The following SARM1 variants were observed in gnomAD, a reference collection of about 807,000 sequenced individuals.
The protein encoded by SARM1 is sterile alpha and TIR motif containing 1.
A neutral mutation model predicts 65.1 loss-of-function variants in SARM1; 60 were observed. The ratio of observed to expected loss-of-function variants is 0.92; its 90% CI spans 0.75 to 1.14. The LOEUF (loss-of-function observed/expected upper bound fraction) is 1.14. SARM1 is among the 50% of genes most tolerant of loss of function. SARM1 has a pLI of 0.00. For synonymous variants in SARM1, 417 were observed against 465.4 expected (o/e 0.90, Z 1.34); for missense variants, 913 against 1,015.7 (o/e 0.90, Z 1.37).
rs372349604 is a variant in SARM1 at position 28,381,613 on chromosome 17, C to A, written c.881C>A (p.Ala294Glu). Residue 294 changes from alanine to glutamate, a missense_variant, in exon 2 of 9, where the codon GCG (alanine) becomes GAG (glutamate). Coordinates refer to ENST00000585482, the MANE Select transcript of SARM1 (RefSeq NM_015077.4). The part of the protein sequence containing the change: ...EREVERSGTL[A>E]LVEPLVASLD... ...GAGGTGGAGCGCTCGGGCACGCTGGCGCTCGTGGAGCCGCTTGTGGCCTCG... is the reference window on the plus strand; with the variant it reads ...GAGGTGGAGCGCTCGGGCACGCTGGAGCTCGTGGAGCCGCTTGTGGCCTCG... 5 of 1,579,808 alleles carry A rather than the reference C, an allele frequency of 3.2e-6. No individual in the cohort carries two copies. Among genetic ancestry groups the A allele is most frequent in the Middle Eastern group, 1.7e-4 (1 of 5,992 alleles).
Position 28,384,230 on chromosome 17 carries a change from G to A in SARM1, c.1090-127G>A. 1 of 707,806 alleles carries A rather than the reference G, an allele frequency of 1.4e-6. No homozygotes were observed. Among genetic ancestry groups the A allele is most frequent in the East Asian group, 2.9e-5 (1 of 34,334 alleles). 43.8% of individuals were successfully genotyped at this position (707,806 alleles called of 1,614,324 possible). On this transcript the variant is annotated intron_variant, in intron 2 of 8. Coordinates refer to ENST00000585482, the MANE Select transcript of SARM1 (RefSeq NM_015077.4). The surrounding 1 kb of genome is among the most constrained non-coding windows in gnomAD (Gnocchi z 4.4). ...CGCAGGACCCCATGACTTAGTGGCT[G>A]AAGGTGGGGCCAGGGCAGATGGAGA...
At position 28,401,026 on chromosome 17, in the gene SARM1, G is replaced by A; in HGVS notation, c.*4740G>A. ...AGTACATGTGATCTGACAGAACCCA[G>A]CACATAAAAGAAAAAAAAAGTACAT... On this transcript the variant is annotated 3_prime_UTR_variant, in exon 9 of 9. Coordinates refer to ENST00000585482, the MANE Select transcript of SARM1 (RefSeq NM_015077.4). 2.7e-6 allele frequency: 1 copy of A among 373,872 alleles called. No individual in the cohort carries two copies. The highest frequency in any genetic ancestry group is 4.6e-6 in the Non-Finnish European group (1 of 217,294). The allele number at this position is 373,872 out of a possible 1,614,324, so 23.2% of individuals were successfully genotyped here.
chr17:28,395,164 A>T (rs2068104749), intron 7 of SARM1: 1 of 152,144 alleles, frequency 6.6e-6, no homozygotes, highest in Non-Finnish European at 1.5e-5. Context: ...GTAATAAATA[A>T]TATTATTAAT....
At position 28,384,287 on chromosome 17, in the gene SARM1, G is replaced by A. The variant is rs2068038404; in HGVS notation, c.1090-70G>A. Reference sequence around the variant, plus strand: ...GGGTTGTGAGAAGAGACAAGGAGAGGGACTGGGCACGTGTGGGAGCACCTG... The same window carrying A: ...GGGTTGTGAGAAGAGACAAGGAGAGAGACTGGGCACGTGTGGGAGCACCTG... On this transcript the variant is annotated intron_variant, in intron 2 of 8. Transcript: ENST00000585482. This position sits in a 1 kb window ranked among gnomAD's most constrained non-coding sequence, Gnocchi z 4.4. The A allele has an allele frequency of 1.5e-6, 2 of 1,292,870 alleles. No individual in the cohort carries two copies. Among genetic ancestry groups the A allele is most frequent in the Non-Finnish European group, 2.1e-6 (2 of 934,450 alleles). 80.1% of individuals were successfully genotyped at this position (1,292,870 alleles called of 1,614,324 possible). A position where few individuals can be genotyped will look rare whatever the true frequency, so the allele number is the denominator to read the frequency against.
rs2068041284 is a variant in SARM1 at position 28,384,695 on chromosome 17, G to A, written c.1302+126G>A. ...GCTTTTGGGGGCGGGGAGCCTGTAC[G>A]CAGCCACCGTTAGGGTCACTCGGCT... On this transcript the variant is annotated intron_variant, in intron 3 of 8. Transcript: ENST00000585482. This position sits in a 1 kb window ranked among gnomAD's most constrained non-coding sequence, Gnocchi z 4.4. The A allele has an allele frequency of 2.5e-6, 3 of 1,206,440 alleles. No individual in the cohort carries two copies. Among genetic ancestry groups the A allele is most frequent in the Non-Finnish European group, 2.3e-6 (2 of 856,252 alleles). The allele number at this position is 1,206,440 out of a possible 1,614,324, so 74.7% of individuals were successfully genotyped here.
chr17:28,375,506 G>T (rs541935803), intron 1 of SARM1, among the ~76,000 whole-genome samples: 2 of 151,968 alleles, frequency 1.3e-5, no homozygotes, highest in Non-Finnish European at 2.9e-5. Flanking sequence ...GCTGAGGCAG[G>T]GGAATTGTTT....
At chr17:28,374,087 T>G (rs2067974114) in intron 1 of SARM1, 1 of 143,364 alleles carries the variant, frequency 7.0e-6, no homozygotes, top group Non-Finnish European at 1.5e-5. Flanking sequence ...GCCAACATGG[T>G]GAAACCCTGT....
At chr17:28,386,096 C>A (rs1052122701) in intron 5 of SARM1, among the ~76,000 whole-genome samples, 18 of 152,086 alleles carry the variant, frequency 1.2e-4, no homozygotes, top group Non-Finnish European at 7.4e-5. Flanking sequence ...GAGTTTGAGA[C>A]CAACCTGGGC....
At position 28,400,231 on chromosome 17, in the gene SARM1, C is replaced by T. The variant is rs1302010667; in HGVS notation, c.*3945C>T. 3.8e-6 allele frequency: 1 copy of T among 263,348 alleles called. No homozygotes were observed. Among genetic ancestry groups the T allele is most frequent in the Non-Finnish European group, 7.4e-6 (1 of 136,020 alleles). 16.3% of individuals were successfully genotyped at this position (263,348 alleles called of 1,614,324 possible). A position where few individuals can be genotyped will look rare whatever the true frequency, so the allele number is the denominator to read the frequency against. ...TTCTTAATATCATACAGGAAAAAGT[C>T]AGCGGGTCAAGCTAGCCTGTGGCCC... On this transcript the variant is annotated 3_prime_UTR_variant, in exon 9 of 9. Coordinates refer to ENST00000585482, the MANE Select transcript of SARM1 (RefSeq NM_015077.4).
At chr17:28,383,155 C>CT (rs1203691566) in intron 2 of SARM1, among the ~76,000 whole-genome samples, 2 of 152,174 alleles carry the variant, frequency 1.3e-5, no homozygotes, top group African/African-American at 4.8e-5. Flanking sequence ...AGGTGGATCA[C>CT]TTGAGGTCAG....
intron 7 of SARM1, among the ~76,000 whole-genome samples, chr17:28,391,277 A>G (rs1376873718): frequency 1.3e-5 from 2 of 152,324 alleles, no homozygotes; most frequent in South Asian, 4.1e-4. Flanking sequence ...GCTAGTTACT[A>G]TAAAGTTAGC....
intron 6 of SARM1, 28 bp from the exon 7 acceptor site, chr17:28,388,322 G>A (rs914807846): frequency 5.6e-6 from 9 of 1,611,110 alleles, no homozygotes; most frequent in Non-Finnish European, 6.8e-6. Flanking sequence ...GGACAAGGCT[G>A]TGGCACTGAC....
At position 28,395,801 on chromosome 17, in the gene SARM1, C is replaced by T. The variant is rs534896850; in HGVS notation, c.1924-104C>T. ...GGTGGACATCAGGACTGGTGTCCTG[C>T]CCTGGGCCCAGCCTCGGGCCAGTGG... On this transcript the variant is annotated intron_variant, in intron 7 of 8. Coordinates refer to ENST00000585482, the MANE Select transcript of SARM1 (RefSeq NM_015077.4). 3.0e-6 allele frequency: 4 copies of T among 1,316,756 alleles called. No homozygotes were observed. The East Asian group carries it at 9.2e-5, about 30-fold the overall frequency. The allele number at this position is 1,316,756 out of a possible 1,614,324, so 81.6% of individuals were successfully genotyped here.
chr17:28,388,631 G>A (rs573371344), intron 7 of SARM1, 92 bp downstream of exon 7: 171 of 1,338,342 alleles, frequency 1.3e-4, no homozygotes, highest in Middle Eastern at 7.8e-4. Flanking sequence ...TGCACATCCC[G>A]GCACACTTAG....
In SARM1 at chr17:28,399,403, T is replaced by G; in HGVS notation, c.*3117T>G. ...ATAGCAGAAAGGGAGAACTGACTCC[T>G]GTCCCAAATAGCTCCTCTGCCACCT... On this transcript the variant is annotated 3_prime_UTR_variant, in exon 9 of 9. Transcript: ENST00000585482. 4 of 524,476 alleles carry G rather than the reference T, an allele frequency of 7.6e-6. No homozygotes were observed. The South Asian group carries it at 9.6e-5, about 13-fold the overall frequency. 32.5% of individuals were successfully genotyped at this position (524,476 alleles called of 1,614,324 possible). A position where few individuals can be genotyped will look rare whatever the true frequency, so the allele number is the denominator to read the frequency against.
rs571053941 is a variant in SARM1, at chr17:28,383,310, G to T, written c.1090-1047G>T. ...AATCACAGGAACCTGGGAGGCAGAG[G>T]TTACAGTGAGCTGGAATCGCACCAC... On this transcript the variant is annotated intron_variant, in intron 2 of 8. Coordinates refer to ENST00000585482, the MANE Select transcript of SARM1 (RefSeq NM_015077.4). Among the ~76,000 whole-genome samples the T allele has an allele frequency of 3.2e-4, 48 of 152,294 alleles. No individual in the cohort carries two copies. The East Asian group carries it at 9.1e-3, about 29-fold the overall frequency.
In SARM1 at chr17:28,401,105, C is replaced by G. The variant is rs1567816356; in HGVS notation, c.*4819C>G. 1 of 353,886 alleles carries G rather than the reference C, an allele frequency of 2.8e-6. No homozygotes were observed. The highest frequency in any genetic ancestry group is 3.9e-5 in the Admixed American group (1 of 25,604). The allele number at this position is 353,886 out of a possible 1,614,324, so 21.9% of individuals were successfully genotyped here. A position where few individuals can be genotyped will look rare whatever the true frequency, so the allele number is the denominator to read the frequency against. On this transcript the variant is annotated 3_prime_UTR_variant, in exon 9 of 9. Coordinates refer to ENST00000585482, the MANE Select transcript of SARM1 (RefSeq NM_015077.4). Reference sequence around the variant, plus strand: ...AAATGGCTTTTTTCTGGTTTATCCTCTTTGGAATCATCTCCTGTTTGGGAT... The same window carrying G: ...AAATGGCTTTTTTCTGGTTTATCCTGTTTGGAATCATCTCCTGTTTGGGAT...
rs370737918 is a variant in SARM1, at chr17:28,396,156, G to A, written c.2046-1G>A. 1.2e-6 allele frequency: 2 copies of A among 1,613,942 alleles called. No homozygotes were observed. The highest frequency in any genetic ancestry group is 1.3e-5 in the African/African-American group (1 of 75,036). ...AACCACATTGGCTCCTGTGCCCACA[G>A]GTGGTCCCACGAATACCAGGAGGCC... On this transcript the variant is annotated splice_acceptor_variant, in intron 8 of 8. Transcript: ENST00000585482. LOFTEE classifies it high-confidence loss of function.
Position 28,381,262 on chromosome 17 carries a change from C to G in SARM1, c.530C>G (p.Pro177Arg), listed in dbSNP as rs1381539904. 6.2e-7 allele frequency: 1 copy of G among 1,610,494 alleles called. No individual in the cohort carries two copies. The highest frequency in any genetic ancestry group is 1.3e-5 in the African/African-American group (1 of 74,892). ...CTGAACCTGGCGAAGGAACGCGAAC[C>G]CGTAGAGCTGGCGCGGAGCGTGGCA... ...VILNLAKERE[P>R]VELARSVAGI... The change falls in exon 2 of 9, where the codon CCC (proline) becomes CGC (arginine). Residue 177 changes from proline to arginine, a missense_variant. Coordinates refer to ENST00000585482, the MANE Select transcript of SARM1 (RefSeq NM_015077.4).
Sources: allele counts gnomAD v4.1 joint callset (sites outside exome capture counted in the v4.1 genomes callset), GRCh38; gene constraint gnomAD v4.1.1; non-coding constraint Gnocchi (gnomAD v3.1); transcripts MANE v1.5; gene names NCBI Gene and HGNC (gene_info 2026-07-23, HGNC 2026-07-21).